KCNQ1: variants seen among roughly 807,000 people sequenced by gnomAD.
The protein encoded by KCNQ1 is potassium voltage-gated channel subfamily Q member 1.
In KCNQ1, 49 loss-of-function variants were observed where a neutral mutation model predicts 72.4. The observed-to-expected ratio is 0.68, with a 90% CI of 0.54 to 0.86. KCNQ1 has a LOEUF of 0.86. KCNQ1 is among the 40% of genes least tolerant of loss of function. The pLI is 0.00. For synonymous variants in KCNQ1, 450 were observed against 412.6 expected, an observed-to-expected ratio of 1.09 and a Z score of -1.10; for missense variants, 790 against 945.1, an observed-to-expected ratio of 0.84 and a Z score of 2.15.
chr11:2,674,832 TAAAAAAAAA>T lies in KCNQ1; in HGVS notation c.1514+12771_1514+12779del, dbSNP rs34219164. On this transcript the variant is annotated intron_variant, in intron 11 of 15. Coordinates refer to ENST00000155840, the MANE Select transcript of KCNQ1 (RefSeq NM_000218.3). This position sits in a 1 kb window ranked among gnomAD's most constrained non-coding sequence, Gnocchi z 5.9. ...GCTTGTCACCCTAATAGCTGTTTTT[TAAAAAAAAA>T]AAAAAAAAAAAAAAAAAAAGCTCAC... The T allele has an allele frequency of 2.3e-5, 7 of 303,866 alleles. No homozygotes were observed. The highest frequency in any genetic ancestry group is 1.8e-4 in the African/African-American group (5 of 27,820). 18.8% of individuals were successfully genotyped at this position (303,866 alleles called of 1,614,324 possible).
rs374566057 is a variant in KCNQ1, at chr11:2,570,587, C to T, written c.478-41C>T. Reference sequence around the variant, plus strand: ...TTGCAGGGTCTGAAGCCACTCAAGGCCGAGCCTGCCTGCAGTGAGCGTCCC... The same window carrying T: ...TTGCAGGGTCTGAAGCCACTCAAGGTCGAGCCTGCCTGCAGTGAGCGTCCC... On this transcript the variant is annotated intron_variant, in intron 2 of 15. Coordinates refer to ENST00000155840, the MANE Select transcript of KCNQ1 (RefSeq NM_000218.3). 138 of 1,608,298 alleles carry T rather than the reference C, an allele frequency of 8.6e-5. 1 individual carries two copies. The South Asian group carries it at 1.4e-3, about 16-fold the overall frequency.
rs1240264492 is a variant in KCNQ1 at position 2,458,598 on chromosome 11, C to T, written c.386+13114C>T. On this transcript the variant is annotated intron_variant, in intron 1 of 15. Transcript: ENST00000155840. The surrounding 1 kb of genome is among the most constrained non-coding windows in gnomAD (Gnocchi z 4.6). ...AAGCAGTAAAGGCCTTCGGACAGTG[C>T]ACAGAAAGTGCTCCCATCCACAATG... is the stretch of plus-strand genomic sequence containing the variant. Among the ~76,000 whole-genome samples the T allele has an allele frequency of 6.6e-6, 1 of 152,172 alleles. No individual in the cohort carries two copies. The highest frequency in any genetic ancestry group is 1.5e-5 in the Non-Finnish European group (1 of 68,022).
rs765027357 is a variant in KCNQ1, at chr11:2,653,369, A to T, written c.1394-8592A>T. The T allele has an allele frequency of 1.0e-5, 4 of 398,622 alleles. No homozygotes were observed. Among genetic ancestry groups the T allele is most frequent in the Non-Finnish European group, 1.3e-5 (3 of 226,148 alleles). 24.7% of individuals were successfully genotyped at this position (398,622 alleles called of 1,614,324 possible). On this transcript the variant is annotated intron_variant, in intron 10 of 15. Transcript: ENST00000155840. The surrounding 1 kb of genome is among the most constrained non-coding windows in gnomAD (Gnocchi z 5.3). Reference sequence around the variant, plus strand: ...CTCACACCTCACCCCCAACTTTGTCATGCACATTCCTGAAGACTCTCTTGG... The same window carrying T: ...CTCACACCTCACCCCCAACTTTGTCTTGCACATTCCTGAAGACTCTCTTGG...
At chr11:2,465,474 C>A (rs907998147) in intron 1 of KCNQ1, among the ~76,000 whole-genome samples, 1 of 152,248 alleles carries the variant, frequency 6.6e-6, no homozygotes, top group African/African-American at 2.4e-5. Context: ...AGGGCTGAGA[C>A]TCCTCTGAGC....
intron 11 of KCNQ1, among the ~76,000 whole-genome samples, chr11:2,740,989 C>T (rs1408080503): frequency 1.3e-5 from 2 of 152,136 alleles, no homozygotes; most frequent in Admixed American, 1.3e-4. Context: ...AATCAAGTGG[C>T]AAAGGGGAAT....
chr11:2,671,212 C>T lies in KCNQ1; in HGVS notation c.1514+9131C>T, dbSNP rs61870802. ...GAAAGAAAAATAAAAGGTAGAGAGA[C>T]AGAGGTAGACAGGAGTCCAGGTCTG... On this transcript the variant is annotated intron_variant, in intron 11 of 15. Transcript: ENST00000155840. The surrounding 1 kb of genome is among the most constrained non-coding windows in gnomAD (Gnocchi z 4.7). 0.13 allele frequency: 51,254 copies of T among 398,494 alleles called. 3,467 individuals carry two copies. Among genetic ancestry groups the T allele is most frequent in the African/African-American group, 0.15 (7,355 of 48,682 alleles). 24.7% of individuals were successfully genotyped at this position (398,494 alleles called of 1,614,324 possible).
chr11:2,727,793 A>C (rs1845790470), intron 11 of KCNQ1, among the ~76,000 whole-genome samples: 1 of 152,160 alleles, frequency 6.6e-6, no homozygotes, highest in Admixed American at 6.5e-5. Context: ...TCGATGTACA[A>C]CACCAAGCAC....
At chr11:2,514,112 C>T (rs993749180) in intron 1 of KCNQ1, among the ~76,000 whole-genome samples, 2 of 152,344 alleles carry the variant, frequency 1.3e-5, no homozygotes, top group Admixed American at 6.5e-5. Context: ...CCTGGCTTGG[C>T]CCTCCACGGA....
intron 15 of KCNQ1, among the ~76,000 whole-genome samples, chr11:2,810,488 A>G (rs1306429579): frequency 6.6e-6 from 1 of 152,096 alleles, no homozygotes; most frequent in African/African-American, 2.4e-5. Flanking sequence ...ATCTCTTCAG[A>G]GTTCTAGGAA....
rs1366496514 is a variant in KCNQ1, at chr11:2,498,747, C to T, written c.387-29181C>T. Among the ~76,000 whole-genome samples, 6 of 152,192 alleles carry T rather than the reference C, an allele frequency of 3.9e-5. No homozygotes were observed. Among genetic ancestry groups the T allele is most frequent in the Non-Finnish European group, 7.3e-5 (5 of 68,040 alleles). On this transcript the variant is annotated intron_variant, in intron 1 of 15. Transcript: ENST00000155840. This position sits in a 1 kb window ranked among gnomAD's most constrained non-coding sequence, Gnocchi z 4.8. ...CACTGGGGTACAGAAAAAACTCCTGCAGCTAGTTCAATGTCTGTCCAAACA... is the reference window on the plus strand; with the variant it reads ...CACTGGGGTACAGAAAAAACTCCTGTAGCTAGTTCAATGTCTGTCCAAACA...
intron 11 of KCNQ1, chr11:2,699,899 AGGCACCCCGGCAGAATCGCGCTGAGG>A (rs1003260886): frequency 5.0e-6 from 2 of 397,182 alleles, no homozygotes; most frequent in African/African-American, 4.2e-5. Context: ...CCACGCTGAG[AGGCACCCCGGCAGAATCGCGCTGAGG>A]GGCGCCCTGG....
rs1168815230 is a variant in KCNQ1, at chr11:2,481,504, A to G, written c.386+36020A>G. 6.6e-6 allele frequency among the ~76,000 whole-genome samples: 1 copy of G among 151,880 alleles called. No individual in the cohort carries two copies. Among genetic ancestry groups the G allele is most frequent in the Non-Finnish European group, 1.5e-5 (1 of 67,964 alleles). On this transcript the variant is annotated intron_variant, in intron 1 of 15. Coordinates refer to ENST00000155840, the MANE Select transcript of KCNQ1 (RefSeq NM_000218.3). The surrounding 1 kb of genome is among the most constrained non-coding windows in gnomAD (Gnocchi z 4.6). ...TGTGGCCATCAGCCAGGCGTCCCCA[A>G]CCCCCAGGCCATGAAGCACTACCAG... is the stretch of plus-strand genomic sequence containing the variant.
At chr11:2,604,283 GC>G (rs1243898932) in intron 10 of KCNQ1, among the ~76,000 whole-genome samples, 1 of 151,462 alleles carries the variant, frequency 6.6e-6, no homozygotes, top group Non-Finnish European at 1.5e-5. Flanking sequence ...TTCGAGACCA[GC>G]CTGGCCAACA....
intron 15 of KCNQ1, among the ~76,000 whole-genome samples, chr11:2,825,191 G>T (rs887077361): frequency 2.2e-4 from 34 of 152,334 alleles, no homozygotes; most frequent in Non-Finnish European, 4.1e-4. Flanking sequence ...CTGGGGCTGG[G>T]GCCCGGCTTC....
chr11:2,602,650 T>C lies in KCNQ1; in HGVS notation c.1393+13796T>C, dbSNP rs1321207709. Among the ~76,000 whole-genome samples, 1 of 152,204 alleles carries C rather than the reference T, an allele frequency of 6.6e-6. No individual in the cohort carries two copies. The highest frequency in any genetic ancestry group is 1.9e-4 in the East Asian group (1 of 5,198). ...GGTGTGTAGTGAGATCTCATTGTGGTTTACATTTACATTTCCTCATTAGGA... is the reference window on the plus strand; with the variant it reads ...GGTGTGTAGTGAGATCTCATTGTGGCTTACATTTACATTTCCTCATTAGGA... On this transcript the variant is annotated intron_variant, in intron 10 of 15. Transcript: ENST00000155840. This position sits in a 1 kb window ranked among gnomAD's most constrained non-coding sequence, Gnocchi z 4.8.
chr11:2,699,890 C>T, intron 11 of KCNQ1: 1 of 398,354 alleles, frequency 2.5e-6, no homozygotes, highest in East Asian at 3.6e-5. Flanking sequence ...CGGGGAGGAC[C>T]ACGCTGAGAG....
At chr11:2,622,679 TC>T in intron 10 of KCNQ1, 2 of 398,658 alleles carry the variant, frequency 5.0e-6, no homozygotes, top group South Asian at 2.5e-4. Context: ...ATTATGATTC[TC>T]TATTCGATTG....
rs567382317 is a variant in KCNQ1 at position 2,459,044 on chromosome 11, G to T, written c.386+13560G>T. ...CCGTGCCCAGTTGGGAGGCTTTGGG[G>T]TTGTTGGGATGCTTTTGTGAATGGC... On this transcript the variant is annotated intron_variant, in intron 1 of 15. Coordinates refer to ENST00000155840, the MANE Select transcript of KCNQ1 (RefSeq NM_000218.3). Among the ~76,000 whole-genome samples, 8 of 150,690 alleles carry T rather than the reference G, an allele frequency of 5.3e-5. 1 individual carries two copies. The South Asian group carries it at 1.7e-3, about 31-fold the overall frequency.
chr11:2,735,201 A>AG lies in KCNQ1; in HGVS notation c.1515-33638dup, dbSNP rs969519610. On this transcript the variant is annotated intron_variant, in intron 11 of 15. Coordinates refer to ENST00000155840, the MANE Select transcript of KCNQ1 (RefSeq NM_000218.3). This position sits in a 1 kb window ranked among gnomAD's most constrained non-coding sequence, Gnocchi z 7.7. ...TGTGAGAGCCAGGGAAGGGCTGCTC[A>AG]GGGGGCTCTCCTTGATGGTGACCCC... 6.6e-6 allele frequency among the ~76,000 whole-genome samples: 1 copy of AG among 152,158 alleles called. No individual in the cohort carries two copies. Among genetic ancestry groups the AG allele is most frequent in the Non-Finnish European group, 1.5e-5 (1 of 68,008 alleles).
Sources: gnomAD v4.1 joint callset for allele counts (sites outside exome capture counted in the v4.1 genomes callset) on GRCh38, gnomAD v4.1.1 for gene constraint, Gnocchi (gnomAD v3.1) non-coding constraint, MANE v1.5 for transcripts, NCBI Gene and HGNC (gene_info 2026-07-23, HGNC 2026-07-21) for gene names.